PDE10A: variants seen among roughly 807,000 people sequenced by gnomAD.
PDE10A encodes cAMP and cAMP-inhibited cGMP 3',5'-cyclic phosphodiesterase 10A.
In PDE10A, 39 loss-of-function variants were observed where a neutral mutation model predicts 97.7. That is an observed-to-expected ratio of 0.40 (90% CI 0.31 to 0.52). The LOEUF is 0.52. Ranked by LOEUF, PDE10A falls within the 20% of genes least tolerant of loss-of-function variation. PDE10A has a pLI of 0.56. For synonymous variants in PDE10A, 371 were observed against 376.8 expected (o/e 0.98, Z 0.18); for missense variants, 731 against 1,047.8 (o/e 0.70, Z 4.17).
chr6:165,759,750 C>T (rs1793207796), intron 1 of PDE10A, among the ~76,000 whole-genome samples: 1 of 152,228 alleles, frequency 6.6e-6, no homozygotes, highest in Non-Finnish European at 1.5e-5. Flanking sequence ...CCAACCTCCT[C>T]AGTGAAAACG....
chr6:165,413,362 T>A (rs1205091655), intron 13 of PDE10A, 139 bp downstream of exon 13: 12 of 586,542 alleles, frequency 2.0e-5, no homozygotes, highest in African/African-American at 1.9e-5. Context: ...CTAAAACATG[T>A]ACAATCAGGA....
chr6:165,350,603 G>A (rs1039113053), intron 18 of PDE10A, among the ~76,000 whole-genome samples: 1 of 152,148 alleles, frequency 6.6e-6, no homozygotes, highest in Non-Finnish European at 1.5e-5. Flanking sequence ...ATGAGATCTG[G>A]AAGGGGGCAG....
At chr6:165,482,554 A>T (rs1414139121) in intron 2 of PDE10A, among the ~76,000 whole-genome samples, 2 of 152,234 alleles carry the variant, frequency 1.3e-5, no homozygotes, top group East Asian at 3.8e-4. Context: ...GGGAAAATGA[A>T]ATACCACCAC....
At chr6:165,563,492 C>A (rs1784626909) in intron 1 of PDE10A, among the ~76,000 whole-genome samples, 1 of 152,116 alleles carries the variant, frequency 6.6e-6, no homozygotes, top group African/African-American at 2.4e-5. Context: ...TGCAGCCTTT[C>A]TCACCTATTT....
chr6:165,428,375 T>C (rs1431307173), intron 10 of PDE10A, among the ~76,000 whole-genome samples: 3 of 152,114 alleles, frequency 2.0e-5, no homozygotes, highest in Non-Finnish European at 4.4e-5. Context: ...ACATGTCCCA[T>C]ATGTAAGAGG....
chr6:165,471,664 T>C (rs1779016958), intron 3 of PDE10A, among the ~76,000 whole-genome samples: 1 of 152,098 alleles, frequency 6.6e-6, no homozygotes, highest in Non-Finnish European at 1.5e-5. Flanking sequence ...CTTTCTTCCC[T>C]CTGTTTTAAT....
At chr6:165,745,239 C>T (rs1255749625) in intron 1 of PDE10A, among the ~76,000 whole-genome samples, 1 of 152,130 alleles carries the variant, frequency 6.6e-6, no homozygotes, top group Non-Finnish European at 1.5e-5. Flanking sequence ...ATGTACCCAC[C>T]ATCTTTAGTT....
chr6:165,698,506 T>A (rs115355106), intron 1 of PDE10A, among the ~76,000 whole-genome samples: 1,603 of 152,096 alleles, frequency 0.011, 35 homozygotes, highest in African/African-American at 0.036. Context: ...AATAAAAAAA[T>A]AGAGCGAAAA....
chr6:165,733,717 CTG>C (rs1444146586), intron 1 of PDE10A, among the ~76,000 whole-genome samples: 1 of 152,196 alleles, frequency 6.6e-6, no homozygotes, highest in Non-Finnish European at 1.5e-5. Context: ...GAAAATTAAA[CTG>C]TTCTCTTGTC....
At chr6:165,526,972 C>T (rs7741623) in intron 2 of PDE10A, among the ~76,000 whole-genome samples, 13,453 of 152,226 alleles carry the variant, frequency 0.088, 866 homozygotes, top group African/African-American at 0.18. Context: ...ACACTGATGA[C>T]ATTATGCTGA....
chr6:165,758,298 TA>T (rs1416745852), intron 1 of PDE10A, among the ~76,000 whole-genome samples: 1 of 151,886 alleles, frequency 6.6e-6, no homozygotes, highest in African/African-American at 2.4e-5. Context: ...CCATCTCTAT[TA>T]AAAATAAAAA....
chr6:165,699,723 T>C (rs544738275), intron 1 of PDE10A, among the ~76,000 whole-genome samples: 1 of 152,168 alleles, frequency 6.6e-6, no homozygotes, highest in Non-Finnish European at 1.5e-5. Flanking sequence ...ATTAAACACA[T>C]TCTTAAACAA....
chr6:165,950,660 GA>G (rs1486010084), intron 1 of PDE10A, among the ~76,000 whole-genome samples: 1 of 152,180 alleles, frequency 6.6e-6, no homozygotes, highest in Non-Finnish European at 1.5e-5. Flanking sequence ...TAGTCAGGAG[GA>G]CAGCAGCTGC....
upstream of PDE10A, among the ~76,000 whole-genome samples, chr6:165,667,773 G>A (rs1790533567): frequency 6.6e-6 from 1 of 151,928 alleles, no homozygotes. Context: ...TCTGCATAAT[G>A]GCCGTATGTA....
intron 1 of PDE10A, among the ~76,000 whole-genome samples, chr6:165,923,261 G>A (rs1486762738): frequency 1.3e-5 from 2 of 152,188 alleles, no homozygotes; most frequent in African/African-American, 4.8e-5. Flanking sequence ...ACTGACCAAT[G>A]TTAAGCATAA....
chr6:165,395,367 C>T lies in PDE10A; in HGVS notation c.2220-103G>A, dbSNP rs1019311869. On this transcript the variant is annotated intron_variant, in intron 14 of 21. Coordinates refer to ENST00000539869, the MANE Select transcript of PDE10A (RefSeq NM_001385079.1). Reference sequence around the variant, plus strand: ...TTTGTACCAAGGAGCTAAAAAGACACTGGGAGCTCAGCCATCCCTTTTCCT... The same window carrying T: ...TTTGTACCAAGGAGCTAAAAAGACATTGGGAGCTCAGCCATCCCTTTTCCT... 6.9e-6 allele frequency: 5 copies of T among 727,534 alleles called. No individual in the cohort carries two copies. The African/African-American group carries it at 8.9e-5, about 13-fold the overall frequency. 45.1% of individuals were successfully genotyped at this position (727,534 alleles called of 1,614,324 possible).
chr6:165,770,418 A>G (rs768075240), intron 1 of PDE10A, among the ~76,000 whole-genome samples: 1 of 152,222 alleles, frequency 6.6e-6, no homozygotes, highest in Non-Finnish European at 1.5e-5. Context: ...TCCAACCTCC[A>G]TATCCACTTC....
At chr6:165,758,562 A>G (rs925615072) in intron 1 of PDE10A, among the ~76,000 whole-genome samples, 4 of 151,952 alleles carry the variant, frequency 2.6e-5, no homozygotes, top group Admixed American at 6.6e-5. Flanking sequence ...GAAGAGGAAG[A>G]GGAAGAAGAA....
intron 9 of PDE10A, among the ~76,000 whole-genome samples, chr6:165,429,433 C>T (rs1789399530): frequency 6.6e-6 from 1 of 151,962 alleles, no homozygotes; most frequent in Admixed American, 6.6e-5. Context: ...TTTTTCAGTC[C>T]CATACTTCTT....
Sources: allele counts gnomAD v4.1 joint callset (sites outside exome capture counted in the v4.1 genomes callset), GRCh38; gene constraint gnomAD v4.1.1; transcripts MANE v1.5; gene names NCBI Gene and HGNC (gene_info 2026-07-23, HGNC 2026-07-21).